The following SEL1L2 variants were observed in gnomAD, a reference collection of about 807,000 sequenced individuals.
The protein encoded by SEL1L2 is protein sel-1 homolog 2.
A neutral mutation model predicts 98.8 loss-of-function variants in SEL1L2; 89 were observed. The ratio of observed to expected loss-of-function variants is 0.90; its 90% CI spans 0.76 to 1.07. The LOEUF is 1.07. Ranked by LOEUF, SEL1L2 falls within the 50% of genes least tolerant of loss-of-function variation. The pLI is 0.00. For synonymous variants in SEL1L2, 262 were observed against 278.5 expected (o/e 0.94, Z 0.59); for missense variants, 788 against 812.0 (o/e 0.97, Z 0.36).
At chr20:13,964,738 T>C (rs539502598) in intron 1 of SEL1L2, among the ~76,000 whole-genome samples, 1 of 152,020 alleles carries the variant, frequency 6.6e-6, no homozygotes, top group African/African-American at 2.4e-5. Context: ...CATCTCTGCT[T>C]CTTAATAGTC....
chr20:13,938,642 C>T (rs866997601), intron 2 of SEL1L2, among the ~76,000 whole-genome samples: 13 of 152,222 alleles, frequency 8.5e-5, no homozygotes, highest in South Asian at 2.1e-4. Context: ...TTCCTCACAT[C>T]GTATTTTCTG....
chr20:13,978,537 A>G (rs766372234), intron 1 of SEL1L2, among the ~76,000 whole-genome samples: 1 of 152,194 alleles, frequency 6.6e-6, no homozygotes, highest in Non-Finnish European at 1.5e-5. Context: ...TAGAATTACC[A>G]TATGATCCAT....
intron 1 of SEL1L2, among the ~76,000 whole-genome samples, chr20:13,970,023 CTCT>C (rs1195930255): frequency 7.1e-6 from 1 of 141,736 alleles, no homozygotes; most frequent in Non-Finnish European, 1.5e-5. Flanking sequence ...GTGCTCCATC[CTCT>C]TTTTTTTTTT....
At position 13,898,828 on chromosome 20, in the gene SEL1L2, C is replaced by T. The variant is rs182993598; in HGVS notation, c.550-10316G>A. Among the ~76,000 whole-genome samples, 10 of 152,300 alleles carry T rather than the reference C, an allele frequency of 6.6e-5. No homozygotes were observed. The East Asian group carries it at 9.6e-4, about 15-fold the overall frequency. On this transcript the variant is annotated intron_variant, in intron 5 of 19. Transcript: ENST00000284951. ...CCCGATCTCGGCTCACTGCAACCTC[C>T]GCCTCCCGGGTTCAAGAGATTCTCC... is the stretch of plus-strand genomic sequence containing the variant.
At chr20:13,909,800 T>C (rs186726042) in intron 5 of SEL1L2, among the ~76,000 whole-genome samples, 10 of 152,206 alleles carry the variant, frequency 6.6e-5, no homozygotes, top group Admixed American at 5.9e-4. Flanking sequence ...ACCCCTTCTC[T>C]ACTAAAAATA....
intron 2 of SEL1L2, among the ~76,000 whole-genome samples, chr20:13,939,947 G>A (rs904148606): frequency 3.3e-5 from 5 of 152,274 alleles, no homozygotes; most frequent in Non-Finnish European, 7.4e-5. Context: ...GAATACAGGC[G>A]TAAGCCACCG....
chr20:13,936,146 T>C (rs1209306647), intron 2 of SEL1L2, among the ~76,000 whole-genome samples: 1 of 152,134 alleles, frequency 6.6e-6, no homozygotes, highest in Non-Finnish European at 1.5e-5. Context: ...ATCTTGAAGC[T>C]CTGAAATAGC....
At chr20:13,974,638 C>T (rs2051451864) in intron 1 of SEL1L2, among the ~76,000 whole-genome samples, 1 of 151,808 alleles carries the variant, frequency 6.6e-6, no homozygotes, top group African/African-American at 2.4e-5. Context: ...ACCACCATGC[C>T]TGACTAATTT....
intron 17 of SEL1L2, among the ~76,000 whole-genome samples, chr20:13,860,413 T>C (rs1989918882): frequency 1.3e-5 from 2 of 152,202 alleles, no homozygotes; most frequent in African/African-American, 4.8e-5. Flanking sequence ...ATGACCTCCA[T>C]GCAGCCAAAT....
chr20:13,951,276 CA>C (rs764034768), intron 2 of SEL1L2, among the ~76,000 whole-genome samples: 58 of 25,494 alleles, frequency 2.3e-3, no homozygotes, highest in South Asian at 3.7e-3. Context: ...GACTCCGTCT[CA>C]AAAAAAAAAA....
chr20:13,961,128 G>C (rs57861349), intron 1 of SEL1L2, among the ~76,000 whole-genome samples: 9,789 of 152,182 alleles, frequency 0.064, 359 homozygotes, highest in Non-Finnish European at 0.074. Flanking sequence ...GAATAAGTCA[G>C]TTGTCCAAGG....
At chr20:13,992,382 T>C (rs2052562163), upstream of SEL1L2, among the ~76,000 whole-genome samples, 1 of 152,192 alleles carries the variant, frequency 6.6e-6, no homozygotes, top group Non-Finnish European at 1.5e-5. Context: ...TAGATGCCTG[T>C]CATCTCAGCT....
At chr20:13,975,328 GGAT>G (rs1432769760) in intron 1 of SEL1L2, among the ~76,000 whole-genome samples, 1 of 152,078 alleles carries the variant, frequency 6.6e-6, no homozygotes, top group African/African-American at 2.4e-5. Context: ...AAAAATATTT[GGAT>G]GATTGATTGA....
At chr20:13,919,366 TAGAA>T (rs1184601798) in intron 3 of SEL1L2, among the ~76,000 whole-genome samples, 1 of 152,078 alleles carries the variant, frequency 6.6e-6, no homozygotes, top group African/African-American at 2.4e-5. Flanking sequence ...GAAGGTGAAG[TAGAA>T]AGAGAGATGC....
chr20:13,856,150 G>GT (rs73615558), intron 18 of SEL1L2, among the ~76,000 whole-genome samples: 113 of 147,886 alleles, frequency 7.6e-4, no homozygotes, highest in Middle Eastern at 3.5e-3. Context: ...GTTTTTTGGG[G>GT]TTTTTTTTTT....
At chr20:13,958,689 C>G (rs2050650750) in intron 1 of SEL1L2, among the ~76,000 whole-genome samples, 1 of 151,966 alleles carries the variant, frequency 6.6e-6, no homozygotes, top group African/African-American at 2.4e-5. Context: ...GTAATCCCAG[C>G]ACTTTGGGAG....
intron 1 of SEL1L2, among the ~76,000 whole-genome samples, chr20:13,969,165 A>AC (rs2051176600): frequency 6.6e-6 from 1 of 152,222 alleles, no homozygotes. Flanking sequence ...CACTAGTTGA[A>AC]GTGGCTGAAA....
intron 2 of SEL1L2, among the ~76,000 whole-genome samples, chr20:13,935,170 C>T (rs557861118): frequency 3.3e-5 from 5 of 152,238 alleles, no homozygotes; most frequent in South Asian, 2.1e-4. Context: ...ACACAGTCAG[C>T]GAGACCAAGT....
intron 2 of SEL1L2, among the ~76,000 whole-genome samples, chr20:13,935,204 G>A (rs1192251489): frequency 6.6e-6 from 1 of 152,116 alleles, no homozygotes; most frequent in Non-Finnish European, 1.5e-5. Context: ...GGAAGACAGA[G>A]AGGCTTTCTC....
Sources: allele counts gnomAD v4.1 joint callset (sites outside exome capture counted in the v4.1 genomes callset), GRCh38; gene constraint gnomAD v4.1.1; transcripts MANE v1.5; gene names NCBI Gene and HGNC (gene_info 2026-07-23, HGNC 2026-07-21).